The following AP5Z1 variants were observed in gnomAD, a reference collection of about 807,000 sequenced individuals.
The protein encoded by AP5Z1 is adaptor related protein complex 5 subunit zeta 1, also known as AP-5 complex subunit zeta-1.
In AP5Z1, 106 loss-of-function variants were observed where a neutral mutation model predicts 83.0. The observed-to-expected ratio is 1.28, with a 90% CI of 1.09 to 1.50. The LOEUF is 1.50. AP5Z1 is among the 40% of genes most tolerant of loss of function. The pLI is 0.00. For synonymous variants in AP5Z1, 751 were observed against 514.1 expected (o/e 1.46, Z -6.23); for missense variants, 1,565 against 1,094.2 (o/e 1.43, Z -6.07).
At chr7:4,790,395 G>C (rs1436310975) in intron 14 of AP5Z1, 64 bp from the exon 15 acceptor site, 1 of 1,609,950 alleles carries the variant, frequency 6.2e-7, no homozygotes, top group Non-Finnish European at 8.5e-7. Context: ...CCAGGCCCTT[G>C]GCCTGGATGG....
intron 2 of AP5Z1, 108 bp downstream of exon 2, chr7:4,781,420 T>G (rs1379113112): frequency 3.2e-6 from 5 of 1,571,316 alleles, no homozygotes; most frequent in Non-Finnish European, 3.5e-6. Context: ...GAGTCATTTG[T>G]CCACTTAAAC....
chr7:4,787,442 C>A (rs893722361), intron 10 of AP5Z1, among the ~76,000 whole-genome samples, 192 bp from the exon 11 acceptor site: 1 of 152,102 alleles, frequency 6.6e-6, no homozygotes, highest in African/African-American at 2.4e-5. Flanking sequence ...GCTATGATTG[C>A]ACCACTGCAC....
intron 13 of AP5Z1, among the ~76,000 whole-genome samples, chr7:4,789,235 C>G (rs1435377210): frequency 3.3e-5 from 5 of 152,090 alleles, no homozygotes; most frequent in Non-Finnish European, 7.4e-5. Flanking sequence ...CCCCTTCATC[C>G]CGGCAGGTCC....
At chr7:4,786,495 T>C in intron 10 of AP5Z1, 67 bp downstream of exon 10, 6 of 1,569,082 alleles carry the variant, frequency 3.8e-6, no homozygotes, top group African/African-American at 1.4e-5. Flanking sequence ...CTCCCCTCTT[T>C]CCAGCGGGGT....
At chr7:4,784,052 G>T in intron 5 of AP5Z1, 151 bp from the exon 6 acceptor site, 2 of 1,005,748 alleles carry the variant, frequency 2.0e-6, no homozygotes, top group Non-Finnish European at 2.8e-6. Flanking sequence ...GGGTCAGGTG[G>T]GGATGGTGTT....
intron 1 of AP5Z1, 32 bp from the exon 2 acceptor site, chr7:4,781,142 CT>C: frequency 6.2e-7 from 1 of 1,605,252 alleles, no homozygotes. Flanking sequence ...GCAGCGAGTG[CT>C]TCTGGGTCCT....
At chr7:4,789,039 T>G in intron 13 of AP5Z1, 88 bp downstream of exon 13, 1 of 1,171,796 alleles carries the variant, frequency 8.5e-7, no homozygotes, top group African/African-American at 1.5e-5. Flanking sequence ...CCTCTTGAGC[T>G]CTGCAGAAGG....
chr7:4,779,480 A>AT (rs1265728860), intron 1 of AP5Z1, among the ~76,000 whole-genome samples: 2 of 143,764 alleles, frequency 1.4e-5, no homozygotes, highest in Non-Finnish European at 1.5e-5. Flanking sequence ...TTATATATAT[A>AT]TATTTTTTTT....
rs1781823786 is a variant in AP5Z1 at position 4,792,708 on chromosome 7, G to C, written c.*1323G>C. 2 of 152,270 alleles carry C rather than the reference G, an allele frequency of 1.3e-5. No individual in the cohort carries two copies. Among genetic ancestry groups the C allele is most frequent in the Admixed American group, 6.5e-5 (1 of 15,288 alleles). The allele number at this position is 152,270 out of a possible 1,614,324, so 9.4% of individuals were successfully genotyped here. A position where few individuals can be genotyped will look rare whatever the true frequency, so the allele number is the denominator to read the frequency against. On this transcript the variant is annotated 3_prime_UTR_variant, in exon 17 of 17. Coordinates refer to ENST00000649063, the MANE Select transcript of AP5Z1 (RefSeq NM_014855.3). The stretch of plus-strand genomic sequence containing the variant: ...TGAGCCGGGGCCGCAGGAAAGGCTG[G>C]CGCTGGCAGGCGCTTCCGTCGGCAG...
intron 1 of AP5Z1, among the ~76,000 whole-genome samples, chr7:4,778,220 G>A (rs1395965738): frequency 6.6e-6 from 1 of 152,174 alleles, no homozygotes; most frequent in East Asian, 1.9e-4. Context: ...GGGAGACCCT[G>A]TCTCCAAAGA....
chr7:4,783,958 C>T (rs565070670), intron 5 of AP5Z1, among the ~76,000 whole-genome samples, 160 bp downstream of exon 5: 53 of 152,314 alleles, frequency 3.5e-4, no homozygotes, highest in African/African-American at 1.2e-3. Flanking sequence ...GCCACAGCCC[C>T]CTGACCCGTG....
intron 5 of AP5Z1, among the ~76,000 whole-genome samples, 184 bp downstream of exon 5, chr7:4,783,982 C>G (rs1039794570): frequency 6.6e-6 from 1 of 152,116 alleles, no homozygotes; most frequent in African/African-American, 2.4e-5. Flanking sequence ...CTCTGGGGGT[C>G]TGTGCGCGGG....
intron 4 of AP5Z1, 95 bp from the exon 5 acceptor site, chr7:4,783,594 G>A: frequency 1.3e-6 from 2 of 1,522,924 alleles, no homozygotes; most frequent in Non-Finnish European, 1.8e-6. Flanking sequence ...GACGCTGCAG[G>A]ATTCTGTTTT....
Position 4,789,865 on chromosome 7 carries a change from C to T in AP5Z1, c.1741C>T (p.Leu581=), listed in dbSNP as rs761659987. 5.8e-6 allele frequency: 9 copies of T among 1,552,910 alleles called. No homozygotes were observed. In the African/African-American group the frequency reaches 1.1e-4, roughly 19 times the overall value. ...CGGGTCCCTGATCAACCAGCTGGCG[C>T]TGCTGCTCCTGGGCAGGAGCGACTC... ...ADGSLINQLA[L]LLLGRSDSLY... The change falls in exon 14 of 17, where the codon CTG becomes TTG. Residue 581 remains leucine, a synonymous_variant. Transcript: ENST00000649063.
At chr7:4,775,805 G>T in intron 1 of AP5Z1, 49 bp downstream of exon 1, 1 of 1,590,318 alleles carries the variant, frequency 6.3e-7, no homozygotes, top group East Asian at 2.3e-5. Context: ...CTCTCCCTAG[G>T]GGCACACGGG....
In AP5Z1 at chr7:4,785,151, A is replaced by T. The variant is rs1184448203; in HGVS notation, c.931+103A>T. The stretch of plus-strand genomic sequence containing the variant: ...GCTTCCCTGAGCTACTGCTCCACAG[A>T]GGGGGTCCCTGGGTAGCCGGTTTGG... On this transcript the variant is annotated intron_variant, in intron 7 of 16. Coordinates refer to ENST00000649063, the MANE Select transcript of AP5Z1 (RefSeq NM_014855.3). The T allele has an allele frequency of 6.7e-6, 10 of 1,492,068 alleles. No individual in the cohort carries two copies. In the East Asian group the frequency reaches 2.1e-4, roughly 31 times the overall value. 92.4% of individuals were successfully genotyped at this position (1,492,068 alleles called of 1,614,324 possible). A position where few individuals can be genotyped will look rare whatever the true frequency, so the allele number is the denominator to read the frequency against.
chr7:4,793,341 G>C lies in AP5Z1; in HGVS notation c.*1956G>C, dbSNP rs1451359852. The C allele has an allele frequency of 1.3e-5, 2 of 152,316 alleles. No homozygotes were observed. Among genetic ancestry groups the C allele is most frequent in the Non-Finnish European group, 2.9e-5 (2 of 68,078 alleles). 9.4% of individuals were successfully genotyped at this position (152,316 alleles called of 1,614,324 possible). On this transcript the variant is annotated 3_prime_UTR_variant, in exon 17 of 17. Coordinates refer to ENST00000649063, the MANE Select transcript of AP5Z1 (RefSeq NM_014855.3). ...AAACCTTAGAAACATTATATGCTAAGTGAAAGTGAGAAGTGACAGCCTGCT... is the reference window on the plus strand; with the variant it reads ...AAACCTTAGAAACATTATATGCTAACTGAAAGTGAGAAGTGACAGCCTGCT...
Position 4,793,612 on chromosome 7 carries a change from C to A in AP5Z1, c.*2227C>A, listed in dbSNP as rs982290186. The A allele has an allele frequency of 7.5e-6, 1 of 132,748 alleles. No homozygotes were observed. The highest frequency in any genetic ancestry group is 1.6e-5 in the Non-Finnish European group (1 of 61,418). The allele number at this position is 132,748 out of a possible 1,614,324, so 8.2% of individuals were successfully genotyped here. ...CGGGTGGGCGTGGGCTCTGTGGGCCCCGCACTCGGAGCCGCCGGCTAGCCC... is the reference window on the plus strand; with the variant it reads ...CGGGTGGGCGTGGGCTCTGTGGGCCACGCACTCGGAGCCGCCGGCTAGCCC... On this transcript the variant is annotated 3_prime_UTR_variant, in exon 17 of 17. Transcript: ENST00000649063.
At position 4,775,683 on chromosome 7, in the gene AP5Z1, C is replaced by G; in HGVS notation, c.-33C>G. 1 of 1,606,140 alleles carries G rather than the reference C, an allele frequency of 6.2e-7. No individual in the cohort carries two copies. The highest frequency in any genetic ancestry group is 1.3e-5 in the African/African-American group (1 of 75,024). On this transcript the variant is annotated 5_prime_UTR_variant, in exon 1 of 17. Coordinates refer to ENST00000649063, the MANE Select transcript of AP5Z1 (RefSeq NM_014855.3). ...CCTGGGCTGCAGCTCCTGGAGTTTC[C>G]GAGGTTCGTGCGCGTCTGGTGGCGG...
Sources: gnomAD v4.1 joint callset for allele counts (sites outside exome capture counted in the v4.1 genomes callset) on GRCh38, gnomAD v4.1.1 for gene constraint, MANE v1.5 for transcripts, NCBI Gene and HGNC (gene_info 2026-07-23, HGNC 2026-07-21) for gene names.